The following RAI1 variants were observed in gnomAD, a reference collection of about 807,000 sequenced individuals.
The protein encoded by RAI1 is retinoic acid-induced protein 1.
RAI1 carries 9 observed loss-of-function variants against 123.8 expected under a neutral mutation model. The ratio of observed to expected loss-of-function variants is 0.07; its 90% CI spans 0.04 to 0.13. The LOEUF (loss-of-function observed/expected upper bound fraction) is 0.13. Among genes scored for constraint, RAI1 ranks in the 10% least tolerant of loss-of-function variants. The pLI, the probability that RAI1 is intolerant of heterozygous loss-of-function variation, is 1.00. For synonymous variants in RAI1, 1,231 were observed against 1,127.3 expected (o/e 1.09, Z -1.84); for missense variants, 2,256 against 2,545.8 (o/e 0.89, Z 2.45).
At chr17:17,719,844 T>TG (rs931304711) in intron 1 of RAI1, among the ~76,000 whole-genome samples, 1 of 152,164 alleles carries the variant, frequency 6.6e-6, no homozygotes, top group African/African-American at 2.4e-5. Flanking sequence ...GGCTGACTGA[T>TG]GGGGCGGGGG....
At chr17:17,697,426 A>G (rs921906223) in intron 1 of RAI1, among the ~76,000 whole-genome samples, 3 of 152,240 alleles carry the variant, frequency 2.0e-5, no homozygotes, top group African/African-American at 7.2e-5. Context: ...TAGGGAAAAG[A>G]TTAGGGAGGG....
At chr17:17,709,406 A>G (rs528353782) in intron 1 of RAI1, among the ~76,000 whole-genome samples, 2 of 150,050 alleles carry the variant, frequency 1.3e-5, no homozygotes, top group South Asian at 2.1e-4. Context: ...GCCCCCAAAT[A>G]CTCCTACCCC....
At chr17:17,759,808 T>A (rs2030610871) in intron 2 of RAI1, among the ~76,000 whole-genome samples, 1 of 152,146 alleles carries the variant, frequency 6.6e-6, no homozygotes, top group Non-Finnish European at 1.5e-5. Flanking sequence ...AATGCAGAGC[T>A]GTGAAAAGAA....
At chr17:17,780,941 G>A (rs1025782057) in intron 2 of RAI1, among the ~76,000 whole-genome samples, 5 of 152,176 alleles carry the variant, frequency 3.3e-5, no homozygotes, top group South Asian at 2.1e-4. Flanking sequence ...CCAGCACTCA[G>A]AGTCAGCGCT....
chr17:17,704,996 A>G (rs1421755354), intron 1 of RAI1, among the ~76,000 whole-genome samples: 2 of 152,110 alleles, frequency 1.3e-5, no homozygotes, highest in Non-Finnish European at 2.9e-5. Flanking sequence ...TGGTAGACCA[A>G]AGTCAAGGTG....
At chr17:17,806,259 G>A (rs991580936) in intron 4 of RAI1, among the ~76,000 whole-genome samples, 15 of 152,374 alleles carry the variant, frequency 9.8e-5, no homozygotes, top group Admixed American at 2.0e-4. Context: ...CAACTGTTTA[G>A]TGGTGGGACT....
chr17:17,731,857 T>C (rs1009335819), intron 2 of RAI1, among the ~76,000 whole-genome samples: 2 of 152,136 alleles, frequency 1.3e-5, no homozygotes, highest in Non-Finnish European at 2.9e-5. Context: ...CAGTCTCGGC[T>C]GAGAAGTAGG....
chr17:17,791,138 C>G (rs747578751), intron 2 of RAI1, among the ~76,000 whole-genome samples: 1 of 152,160 alleles, frequency 6.6e-6, no homozygotes, highest in Admixed American at 6.5e-5. Context: ...GGAAAGTGGC[C>G]GGCCCCCACA....
chr17:17,768,553 C>T (rs2031025659), intron 2 of RAI1, among the ~76,000 whole-genome samples: 1 of 152,212 alleles, frequency 6.6e-6, no homozygotes, highest in African/African-American at 2.4e-5. Context: ...ACACGCCAGA[C>T]ATAGGGCCAG....
chr17:17,725,189 G>A (rs1247809209), intron 2 of RAI1, among the ~76,000 whole-genome samples: 1 of 152,168 alleles, frequency 6.6e-6, no homozygotes, highest in Non-Finnish European at 1.5e-5. Context: ...GGGGGTCGTG[G>A]ATGGCAGCCC....
At position 17,796,230 on chromosome 17, in the gene RAI1, G is replaced by C; in HGVS notation, c.3282G>C (p.Ser1094=). ...LGGKQRAAFK[S]GKRVGKPSPK... ...GCAAGCAGCGAGCCGCCTTCAAGTC[G>C]GGCAAGCGGGTGGGGAAGCCCTCAC... is the stretch of plus-strand genomic sequence containing the variant. The change falls in exon 3 of 6, where the codon TCG becomes TCC. Residue 1094 remains serine, a synonymous_variant. Coordinates refer to ENST00000353383, the MANE Select transcript of RAI1 (RefSeq NM_030665.4). The surrounding 1 kb of genome is among the most constrained non-coding windows in gnomAD (Gnocchi z 5.8). The C allele has an allele frequency of 6.4e-7, 1 of 1,565,854 alleles. No homozygotes were observed. The highest frequency in any genetic ancestry group is 8.7e-7 in the Non-Finnish European group (1 of 1,154,862).
At chr17:17,690,886 CAG>C (rs60928772) in intron 1 of RAI1, among the ~76,000 whole-genome samples, 127 of 152,296 alleles carry the variant, frequency 8.3e-4, no homozygotes, top group African/African-American at 3.0e-3. Flanking sequence ...GATGGGGAAT[CAG>C]AGCTGGCTTT....
At position 17,801,451 on chromosome 17, in the gene RAI1, G is replaced by C. The variant is rs1321948003; in HGVS notation, c.5566-2305G>C. ...TCATATGCCTGCCTGAGGGTGGTTG[G>C]GGCCTCCGTGCAGTAAGTGGAGAGA... is the stretch of plus-strand genomic sequence containing the variant. On this transcript the variant is annotated intron_variant, in intron 3 of 5. Coordinates refer to ENST00000353383, the MANE Select transcript of RAI1 (RefSeq NM_030665.4). The surrounding 1 kb of genome is among the most constrained non-coding windows in gnomAD (Gnocchi z 4.1). Among the ~76,000 whole-genome samples the C allele has an allele frequency of 1.3e-5, 2 of 152,152 alleles. No individual in the cohort carries two copies. Among genetic ancestry groups the C allele is most frequent in the Non-Finnish European group, 2.9e-5 (2 of 68,026 alleles).
Position 17,798,281 on chromosome 17 carries a change from G to T in RAI1, c.5333G>T (p.Arg1778Leu). The T allele has an allele frequency of 6.3e-7, 1 of 1,597,582 alleles. No individual in the cohort carries two copies. The highest frequency in any genetic ancestry group is 8.5e-7 in the Non-Finnish European group (1 of 1,171,588). ...CGCACCAGTGCCCGGGGCCTGTCCC[G>T]GAGGCTGCAGAGCTGCTACTGCTGT... ...PLRTSARGLS[R>L]RLQSCYCCDG... The change falls in exon 3 of 6, where the codon CGG becomes CTG. Residue 1778 changes from arginine to leucine, a missense_variant. Physicochemically the swap from Arg to Leu is moderately radical, Grantham distance 102. This residue lies in a region of RAI1 where 243 missense variants were observed against 316.6 expected (regional missense o/e 0.77). Coordinates refer to ENST00000353383, the MANE Select transcript of RAI1 (RefSeq NM_030665.4).
chr17:17,796,983 A>G lies in RAI1; in HGVS notation c.4035A>G (p.Ala1345=), dbSNP rs1224763002. The G allele has an allele frequency of 1.9e-6, 3 of 1,613,854 alleles. No homozygotes were observed. The highest frequency in any genetic ancestry group is 8.5e-7 in the Non-Finnish European group (1 of 1,180,022). Residue 1345 remains alanine, a synonymous_variant, in exon 3 of 6, where the codon GCA becomes GCG. Coordinates refer to ENST00000353383, the MANE Select transcript of RAI1 (RefSeq NM_030665.4). This position sits in a 1 kb window ranked among gnomAD's most constrained non-coding sequence, Gnocchi z 5.8. ...CCTCGCCCAGCCTCAAGAAGTTCGCATGTAAAGCGCCAGGGGCCTCTCCTG... is the reference window on the plus strand; with the variant it reads ...CCTCGCCCAGCCTCAAGAAGTTCGCGTGTAAAGCGCCAGGGGCCTCTCCTG... ...KITSPSLKKF[A]CKAPGASPGN... is the part of the protein sequence containing the mutation.
intron 2 of RAI1, among the ~76,000 whole-genome samples, chr17:17,726,067 C>CA (rs1916079796): frequency 6.6e-6 from 1 of 152,148 alleles, no homozygotes; most frequent in African/African-American, 2.4e-5. Flanking sequence ...CAACAGGACT[C>CA]GGCTGGGTGG....
intron 4 of RAI1, among the ~76,000 whole-genome samples, chr17:17,806,035 C>T (rs1021329778): frequency 6.6e-6 from 1 of 152,234 alleles, no homozygotes; most frequent in African/African-American, 2.4e-5. Flanking sequence ...TTTCTCCTAC[C>T]CCAGCACTGC....
intron 1 of RAI1, among the ~76,000 whole-genome samples, chr17:17,712,759 C>T (rs980698523): frequency 1.8e-4 from 28 of 152,298 alleles, no homozygotes; most frequent in African/African-American, 6.3e-4. Flanking sequence ...CAAGCCTCTC[C>T]ATGGTGTAAA....
rs766244944 is a variant in RAI1, at chr17:17,796,445, G to T, written c.3497G>T (p.Gly1166Val). ...TCCAAGCGGCGGAGGCCCTCTGAGG[G>T]CCGGCTCCCCAACTGCCGTGCCACC... is the stretch of plus-strand genomic sequence containing the variant. ...FHSKRRRPSE[G>V]RLPNCRATKK... The change falls in exon 3 of 6, where the codon GGC becomes GTC. Residue 1166 changes from glycine (G) to valine (V), a missense_variant. Gly to Val is a moderately radical substitution (Grantham distance 109). Transcript: ENST00000353383. The surrounding 1 kb of genome is among the most constrained non-coding windows in gnomAD (Gnocchi z 5.8). 13 of 1,612,926 alleles carry T rather than the reference G, an allele frequency of 8.1e-6. No homozygotes were observed. Among genetic ancestry groups the T allele is most frequent in the Non-Finnish European group, 1.1e-5 (13 of 1,180,000 alleles).
Sources: gnomAD v4.1 joint callset for allele counts (sites outside exome capture counted in the v4.1 genomes callset) on GRCh38, gnomAD v4.1.1 for gene constraint, gnomAD v4.1.1 regional missense constraint, Gnocchi (gnomAD v3.1) non-coding constraint, MANE v1.5 for transcripts, NCBI Gene and HGNC (gene_info 2026-07-23, HGNC 2026-07-21) for gene names.